NRG2: variants seen among roughly 807,000 people sequenced by gnomAD.
The protein encoded by NRG2 is pro-neuregulin-2, membrane-bound isoform.
In NRG2, 27 loss-of-function variants were observed where a neutral mutation model predicts 73.9. The ratio of observed to expected loss-of-function variants is 0.37; its 90% CI spans 0.27 to 0.50. NRG2 has a LOEUF of 0.50. NRG2 is among the 20% of genes least tolerant of loss of function. NRG2 has a pLI of 0.96. For synonymous variants in NRG2, 532 were observed against 541.0 expected, an observed-to-expected ratio of 0.98 and a Z score of 0.23; for missense variants, 1,126 against 1,210.1, an observed-to-expected ratio of 0.93 and a Z score of 1.03.
At chr5:139,923,064 C>T (rs1044542251) in intron 1 of NRG2, among the ~76,000 whole-genome samples, 1 of 152,162 alleles carries the variant, frequency 6.6e-6, no homozygotes, top group Admixed American at 6.5e-5. Flanking sequence ...ATAGAATGTA[C>T]AACATCAAGA....
intron 1 of NRG2, among the ~76,000 whole-genome samples, chr5:139,965,556 A>G (rs1213691790): frequency 6.6e-6 from 1 of 152,232 alleles, no homozygotes; most frequent in African/African-American, 2.4e-5. Flanking sequence ...TGATGCTCCA[A>G]TGTATAACAG....
chr5:140,002,245 T>C (rs1026165416), intron 1 of NRG2, among the ~76,000 whole-genome samples: 1 of 152,058 alleles, frequency 6.6e-6, no homozygotes, highest in Non-Finnish European at 1.5e-5. Context: ...AAGACAAAAT[T>C]TTTTGTCCTC....
chr5:139,901,867 C>T (rs970087784), intron 1 of NRG2, among the ~76,000 whole-genome samples: 4 of 152,214 alleles, frequency 2.6e-5, no homozygotes, highest in Admixed American at 6.5e-5. Flanking sequence ...TTTAAAACAA[C>T]ACAGCAACTA....
At chr5:139,930,110 G>A (rs980817479) in intron 1 of NRG2, among the ~76,000 whole-genome samples, 1 of 152,138 alleles carries the variant, frequency 6.6e-6, no homozygotes, top group African/African-American at 2.4e-5. Context: ...GTTTTCCATG[G>A]CACCCTTGCT....
rs115788131 is a variant in NRG2, at chr5:139,901,203, C to T, written c.701-13692G>A. Among the ~76,000 whole-genome samples, 726 of 152,360 alleles carry T rather than the reference C, an allele frequency of 4.8e-3. 5 individuals are homozygous for T. The highest frequency in any genetic ancestry group is 0.016 in the African/African-American group (682 of 41,578). Reference sequence around the variant, plus strand: ...GTCCCCTCTTCACCCCTGCCAAATGCCTGGGACCTGGGATGAAGACTGATG... The same window carrying T: ...GTCCCCTCTTCACCCCTGCCAAATGTCTGGGACCTGGGATGAAGACTGATG... On this transcript the variant is annotated intron_variant, in intron 1 of 9. Coordinates refer to ENST00000361474, the MANE Select transcript of NRG2 (RefSeq NM_004883.3).
At chr5:140,041,784 A>C (rs1204693741) in intron 1 of NRG2, among the ~76,000 whole-genome samples, 1 of 152,138 alleles carries the variant, frequency 6.6e-6, no homozygotes, top group Admixed American at 6.5e-5. Context: ...TGGAGGACGG[A>C]AAACAGTAGC....
intron 1 of NRG2, among the ~76,000 whole-genome samples, chr5:139,991,632 G>A: frequency 6.6e-6 from 1 of 152,028 alleles, no homozygotes; most frequent in East Asian, 1.9e-4. Context: ...CCTGACCTCT[G>A]GTGATCTGCC....
chr5:139,874,215 T>C (rs1340251800), intron 3 of NRG2, among the ~76,000 whole-genome samples: 1 of 152,250 alleles, frequency 6.6e-6, no homozygotes, highest in East Asian at 1.9e-4. Context: ...AACGTGTCTA[T>C]ACACCCCTGT....
Position 139,869,597 on chromosome 5 carries a change from C to G in NRG2, c.1112+2124G>C, listed in dbSNP as rs765670504. ...TCTCCACCAGGGCTGCCCTCTCCCCCGAGGGCTGACAAAGGGTGTTGGGGA... is the reference window on the plus strand; with the variant it reads ...TCTCCACCAGGGCTGCCCTCTCCCCGGAGGGCTGACAAAGGGTGTTGGGGA... On this transcript the variant is annotated intron_variant, in intron 4 of 9. Transcript: ENST00000361474. The surrounding 1 kb of genome is among the most constrained non-coding windows in gnomAD (Gnocchi z 4.5). 1 of 152,138 alleles carries G rather than the reference C, an allele frequency of 6.6e-6. No homozygotes were observed. Among genetic ancestry groups the G allele is most frequent in the Non-Finnish European group, 1.5e-5 (1 of 68,054 alleles). 9.4% of individuals were successfully genotyped at this position (152,138 alleles called of 1,614,324 possible).
chr5:139,953,183 GA>G (rs1374225260), intron 1 of NRG2, among the ~76,000 whole-genome samples: 1 of 152,180 alleles, frequency 6.6e-6, no homozygotes, highest in Non-Finnish European at 1.5e-5. Flanking sequence ...CTTGTGAAGA[GA>G]GGGGGTTGAG....
intron 1 of NRG2, among the ~76,000 whole-genome samples, chr5:140,017,119 C>T (rs559412781): frequency 6.6e-6 from 1 of 152,256 alleles, no homozygotes; most frequent in South Asian, 2.1e-4. Flanking sequence ...GAAAGATGAT[C>T]AGTATTGACA....
rs184930671 is a variant in NRG2, at chr5:139,972,642, C to A, written c.700+69728G>T. Among the ~76,000 whole-genome samples the A allele has an allele frequency of 8.8e-4, 134 of 152,156 alleles. 2 individuals carry two copies. Among genetic ancestry groups the A allele is most frequent in the African/African-American group, 3.1e-3 (130 of 41,524 alleles). On this transcript the variant is annotated intron_variant, in intron 1 of 9. Coordinates refer to ENST00000361474, the MANE Select transcript of NRG2 (RefSeq NM_004883.3). ...GGGAGGCTGAGGCAGGAAAATCGCT[C>A]GAACCCAGGAGGCAGAGGTCACAGT...
At chr5:140,023,822 T>G (rs760758155) in intron 1 of NRG2, among the ~76,000 whole-genome samples, 13 of 152,176 alleles carry the variant, frequency 8.5e-5, no homozygotes, top group African/African-American at 1.2e-4. Context: ...TTCTTTCTGT[T>G]GACAAACGCC....
At chr5:139,958,917 G>A (rs1014387938) in intron 1 of NRG2, among the ~76,000 whole-genome samples, 1 of 152,184 alleles carries the variant, frequency 6.6e-6, no homozygotes, top group African/African-American at 2.4e-5. Flanking sequence ...TGAGGAAACC[G>A]AGGGCCATTG....
chr5:140,024,409 T>G (rs552447325), intron 1 of NRG2, among the ~76,000 whole-genome samples: 1 of 152,200 alleles, frequency 6.6e-6, no homozygotes, highest in South Asian at 2.1e-4. Context: ...CGCCCGCCAC[T>G]AGACCCGGCT....
intron 1 of NRG2, among the ~76,000 whole-genome samples, chr5:139,930,743 G>T (rs1752412859): frequency 6.6e-6 from 1 of 152,232 alleles, no homozygotes; most frequent in Non-Finnish European, 1.5e-5. Context: ...CCAAGCAGGG[G>T]TTCTGAGTGC....
chr5:139,955,270 G>A (rs1754531739), intron 1 of NRG2, among the ~76,000 whole-genome samples: 1 of 152,104 alleles, frequency 6.6e-6, no homozygotes, highest in African/African-American at 2.4e-5. Context: ...AGGAGGTGAC[G>A]GACAAGTGGG....
chr5:139,949,702 T>C (rs1754051768), intron 1 of NRG2, among the ~76,000 whole-genome samples: 1 of 152,254 alleles, frequency 6.6e-6, no homozygotes, highest in South Asian at 2.1e-4. Context: ...CAGAGAACTT[T>C]CCTTTAGTCT....
intron 3 of NRG2, among the ~76,000 whole-genome samples, chr5:139,873,223 A>G (rs1170426182): frequency 6.6e-6 from 1 of 152,120 alleles, no homozygotes; most frequent in Non-Finnish European, 1.5e-5. Context: ...CCTGCTGCTG[A>G]GCTGGCATCC....
Sources: allele counts gnomAD v4.1 joint callset (sites outside exome capture counted in the v4.1 genomes callset), GRCh38; gene constraint gnomAD v4.1.1; non-coding constraint Gnocchi (gnomAD v3.1); transcripts MANE v1.5; gene names NCBI Gene and HGNC (gene_info 2026-07-23, HGNC 2026-07-21).